The following NWD2 variants were observed in gnomAD, a reference collection of about 807,000 sequenced individuals.
NWD2 encodes the protein NACHT and WD repeat domain containing 2, also known as NACHT and WD repeat domain-containing protein 2.
Under a neutral mutation model 132.7 loss-of-function variants are expected in NWD2, and 37 were observed. That is an observed-to-expected ratio of 0.28 (90% CI 0.21 to 0.37). NWD2 has a LOEUF of 0.37. Ranked by LOEUF, NWD2 falls within the 10% of genes least tolerant of loss-of-function variation. The pLI is 1.00. For synonymous variants in NWD2, 705 were observed against 803.0 expected (o/e 0.88, Z 2.06); for missense variants, 1,592 against 2,122.4 (o/e 0.75, Z 4.91).
intron 1 of NWD2, among the ~76,000 whole-genome samples, chr4:37,277,165 C>T (rs922526982): frequency 5.3e-5 from 8 of 151,304 alleles, no homozygotes; most frequent in Non-Finnish European, 8.8e-5. Flanking sequence ...TTAATTGTAC[C>T]GATCCTCTGC....
intron 1 of NWD2, among the ~76,000 whole-genome samples, chr4:37,302,536 C>T (rs1176401563): frequency 6.6e-6 from 1 of 152,042 alleles, no homozygotes; most frequent in African/African-American, 2.4e-5. Context: ...GAAACCTCCA[C>T]ACCGTTTTCC....
intron 6 of NWD2, among the ~76,000 whole-genome samples, chr4:37,440,414 C>T (rs952165194): frequency 5.9e-5 from 9 of 152,180 alleles, no homozygotes; most frequent in Non-Finnish European, 1.3e-4. Context: ...AGCTCTGTCT[C>T]ACTTCTCCAT....
chr4:37,314,830 T>G (rs1163003822), intron 1 of NWD2, among the ~76,000 whole-genome samples: 1 of 152,116 alleles, frequency 6.6e-6, no homozygotes, highest in East Asian at 1.9e-4. Context: ...TTGTTTAAAT[T>G]TTCTAGTTTC....
At chr4:37,316,297 C>T (rs1004857418) in intron 1 of NWD2, among the ~76,000 whole-genome samples, 28 of 151,932 alleles carry the variant, frequency 1.8e-4, no homozygotes, top group African/African-American at 6.8e-4. Context: ...TTTTTTCAGA[C>T]TATGTTGTTC....
Position 37,444,924 on chromosome 4 carries a change from C to T in NWD2, c.2936C>T (p.Pro979Leu). 6.4e-7 allele frequency: 1 copy of T among 1,552,314 alleles called. No individual in the cohort carries two copies. The highest frequency in any genetic ancestry group is 8.7e-7 in the Non-Finnish European group (1 of 1,147,136). The stretch of plus-strand genomic sequence containing the variant: ...ACAGAGATCCTGCCTACCTGTAACC[C>T]CAGCACTGTCCTCACAGCTTTAGAA... ...HVTEILPTCNPSTVLTALENG... is the reference protein window; with the variant it reads ...HVTEILPTCNLSTVLTALENG... Residue 979 changes from proline to leucine, a missense_variant, in exon 7 of 7, where the codon CCC becomes CTC. Coordinates refer to ENST00000309447, the MANE Select transcript of NWD2 (RefSeq NM_001144990.2). This position sits in a 1 kb window ranked among gnomAD's most constrained non-coding sequence, Gnocchi z 4.8.
At chr4:37,337,217 A>T (rs569834611) in intron 2 of NWD2, among the ~76,000 whole-genome samples, 46 of 152,112 alleles carry the variant, frequency 3.0e-4, no homozygotes, top group African/African-American at 1.1e-3. Context: ...CATGATGGAA[A>T]CTCTAACCCC....
chr4:37,447,659 T>A lies in NWD2; in HGVS notation c.*442T>A. On this transcript the variant is annotated 3_prime_UTR_variant, in exon 7 of 7. Coordinates refer to ENST00000309447, the MANE Select transcript of NWD2 (RefSeq NM_001144990.2). Reference sequence around the variant, plus strand: ...AAGTAAACACAGCCTTAATCTCTCTTTACATTTTACAGTCCTGACAACTGT... The same window carrying A: ...AAGTAAACACAGCCTTAATCTCTCTATACATTTTACAGTCCTGACAACTGT... The A allele has an allele frequency of 5.5e-6, 1 of 182,420 alleles. No individual in the cohort carries two copies. The highest frequency in any genetic ancestry group is 1.2e-5 in the Non-Finnish European group (1 of 85,216). The allele number at this position is 182,420 out of a possible 1,614,324, so 11.3% of individuals were successfully genotyped here.
chr4:37,358,627 T>C (rs775558356), intron 3 of NWD2, among the ~76,000 whole-genome samples: 1 of 152,168 alleles, frequency 6.6e-6, no homozygotes, highest in Non-Finnish European at 1.5e-5. Context: ...GCTCCACTAT[T>C]CTAAGCCTCA....
intron 2 of NWD2, among the ~76,000 whole-genome samples, chr4:37,355,743 A>C (rs2376782): frequency 6.6e-6 from 1 of 152,184 alleles, no homozygotes; most frequent in African/African-American, 2.4e-5. Flanking sequence ...AGGGAGATAG[A>C]GGATCCTATT....
In NWD2 at chr4:37,445,834, A is replaced by G; in HGVS notation, c.3846A>G (p.Lys1282=). ...EISGSIVKLV[K]SSHHNMLLSL... ...CAGGTTCCATTGTTAAGTTAGTGAA[A>G]TCCAGTCACCACAATATGCTACTGT... Residue 1282 remains lysine (K), a synonymous_variant, in exon 7 of 7, where the codon AAA becomes AAG. Transcript: ENST00000309447. The surrounding 1 kb of genome is among the most constrained non-coding windows in gnomAD (Gnocchi z 4.7). The G allele has an allele frequency of 6.4e-7, 1 of 1,552,048 alleles. No individual in the cohort carries two copies. The highest frequency in any genetic ancestry group is 8.7e-7 in the Non-Finnish European group (1 of 1,147,078).
Position 37,446,807 on chromosome 4 carries a change from G to A in NWD2, c.4819G>A (p.Gly1607Ser). The change falls in exon 7 of 7, where the codon GGC (glycine) becomes AGC (serine). Residue 1607 changes from glycine to serine, a missense_variant. This residue lies in a region of NWD2 where 257 missense variants were observed against 335.0 expected (regional missense o/e 0.77). Coordinates refer to ENST00000309447, the MANE Select transcript of NWD2 (RefSeq NM_001144990.2). This position sits in a 1 kb window ranked among gnomAD's most constrained non-coding sequence, Gnocchi z 6.7. ...TTTAATTGTAATGAGACTGGCAGAT[G>A]GCAAAAATATCGGTGCTTGTTCCCT... is the stretch of plus-strand genomic sequence containing the variant. ...FSLIVMRLAD[G>S]KNIGACSLYK... The A allele has an allele frequency of 6.4e-7, 1 of 1,551,830 alleles. No individual in the cohort carries two copies. Among genetic ancestry groups the A allele is most frequent in the East Asian group, 2.4e-5 (1 of 40,910 alleles).
chr4:37,375,234 C>CTTTATAGT (rs1720323236), intron 3 of NWD2, among the ~76,000 whole-genome samples: 2 of 152,178 alleles, frequency 1.3e-5, no homozygotes, highest in South Asian at 4.1e-4. Flanking sequence ...TCTTTATAGT[C>CTTTATAGT]ATGCCTAGTG....
chr4:37,357,647 T>C (rs541176011), intron 3 of NWD2, among the ~76,000 whole-genome samples: 4 of 152,122 alleles, frequency 2.6e-5, no homozygotes, highest in African/African-American at 4.8e-5. Context: ...ACTAAGAAGA[T>C]AAAATTTTTT....
rs1310580717 is a variant in NWD2, at chr4:37,445,831, G to A, written c.3843G>A (p.Val1281=). The A allele has an allele frequency of 1.9e-6, 3 of 1,552,094 alleles. No homozygotes were observed. Among genetic ancestry groups the A allele is most frequent in the Middle Eastern group, 1.7e-4 (1 of 5,994 alleles). ...TCTCAGGTTCCATTGTTAAGTTAGT[G>A]AAATCCAGTCACCACAATATGCTAC... ...QEISGSIVKL[V]KSSHHNMLLS... is the part of the protein sequence containing the mutation. The change falls in exon 7 of 7, where the codon GTG becomes GTA. Residue 1281 remains valine (V), a synonymous_variant. Coordinates refer to ENST00000309447, the MANE Select transcript of NWD2 (RefSeq NM_001144990.2). The surrounding 1 kb of genome is among the most constrained non-coding windows in gnomAD (Gnocchi z 4.7).
intron 1 of NWD2, among the ~76,000 whole-genome samples, chr4:37,318,784 C>A (rs1719011175): frequency 6.6e-6 from 1 of 151,968 alleles, no homozygotes; most frequent in African/African-American, 2.4e-5. Flanking sequence ...CCAGCTGTAT[C>A]CATGTTGCTG....
intron 4 of NWD2, among the ~76,000 whole-genome samples, chr4:37,431,939 TG>T (rs1344045817): frequency 2.0e-5 from 3 of 152,054 alleles, no homozygotes; most frequent in African/African-American, 7.2e-5. Flanking sequence ...AATAATTTAA[TG>T]AAATAATTTA....
At chr4:37,301,274 A>G (rs1032205317) in intron 1 of NWD2, among the ~76,000 whole-genome samples, 2 of 152,006 alleles carry the variant, frequency 1.3e-5, no homozygotes, top group African/African-American at 4.8e-5. Flanking sequence ...CATTTTCACT[A>G]TGAAATGGAA....
In NWD2 at chr4:37,443,323, T is replaced by A; in HGVS notation, c.1335T>A (p.Ser445=). ...GWLHEDTGPE[S]DPVVIVRFLG... is the part of the protein sequence containing the mutation. ...TACATGAGGACACAGGACCAGAATC[T>A]GACCCAGTAGTCATCGTGAGATTTC... The change falls in exon 7 of 7, where the codon TCT becomes TCA. Residue 445 remains serine, a synonymous_variant. Transcript: ENST00000309447. The surrounding 1 kb of genome is among the most constrained non-coding windows in gnomAD (Gnocchi z 4.1). 1 of 1,551,522 alleles carries A rather than the reference T, an allele frequency of 6.4e-7. No individual in the cohort carries two copies. The highest frequency in any genetic ancestry group is 1.2e-5 in the South Asian group (1 of 84,060).
At chr4:37,372,076 A>G (rs1175861880) in intron 3 of NWD2, among the ~76,000 whole-genome samples, 1 of 152,168 alleles carries the variant, frequency 6.6e-6, no homozygotes, top group Non-Finnish European at 1.5e-5. Context: ...AATCATTGTT[A>G]GATAAAATCA....
Sources: allele counts gnomAD v4.1 joint callset (sites outside exome capture counted in the v4.1 genomes callset), GRCh38; gene constraint gnomAD v4.1.1; regional missense constraint gnomAD v4.1.1; non-coding constraint Gnocchi (gnomAD v3.1); transcripts MANE v1.5; gene names NCBI Gene and HGNC (gene_info 2026-07-23, HGNC 2026-07-21).